SMARCA4: variants seen among roughly 807,000 people sequenced by gnomAD.
SMARCA4 encodes the protein SWI/SNF-related matrix-associated actin-dependent regulator of chromatin subfamily A member 4.
In SMARCA4, 31 loss-of-function variants were observed where a neutral mutation model predicts 193.9. That is an observed-to-expected ratio of 0.16 (90% CI 0.12 to 0.22). The LOEUF (loss-of-function observed/expected upper bound fraction) is 0.22. SMARCA4 is among the 10% of genes least tolerant of loss of function. SMARCA4 has a pLI of 1.00. For synonymous variants in SMARCA4, 942 were observed against 933.1 expected, an observed-to-expected ratio of 1.01 and a Z score of -0.17; for missense variants, 1,148 against 2,296.0, an observed-to-expected ratio of 0.50 and a Z score of 10.22.
rs750609318 is a variant in SMARCA4 at position 11,023,541 on chromosome 19, C to T, written c.2883C>T (p.Thr961=). ...GEKVDLNEEE[T]ILIIRRLHKV... ...AGGTGGACCTGAATGAGGAGGAAAC[C>T]ATTCTCATCATCCGGCGTCTCCACA... The change falls in exon 20 of 35, where the codon ACC becomes ACT. Residue 961 remains threonine (T), a synonymous_variant. Coordinates refer to ENST00000344626, the MANE Select transcript of SMARCA4 (RefSeq NM_003072.5). 24 of 1,612,556 alleles carry T rather than the reference C, an allele frequency of 1.5e-5. No individual in the cohort carries two copies. In the Admixed American group the frequency reaches 2.0e-4, roughly 13 times the overall value.
chr19:11,002,048 T>G (rs2146075316), intron 11 of SMARCA4, among the ~76,000 whole-genome samples: 1 of 152,028 alleles, frequency 6.6e-6, no homozygotes, highest in African/African-American at 2.4e-5. Flanking sequence ...ACCGTTAGTG[T>G]AAAAAAGAGG....
intron 30 of SMARCA4, among the ~76,000 whole-genome samples, chr19:11,048,925 G>A (rs1485627459): frequency 6.6e-6 from 1 of 152,186 alleles, no homozygotes; most frequent in Admixed American, 6.5e-5. Context: ...CCAAGGCCCT[G>A]GAGTGTGGCA....
intron 11 of SMARCA4, among the ~76,000 whole-genome samples, chr19:10,997,221 C>T (rs573606478): frequency 5.3e-5 from 8 of 151,846 alleles, no homozygotes; most frequent in African/African-American, 9.7e-5. Flanking sequence ...TTATTTTAGA[C>T]GGAGTCTCGT....
chr19:11,059,430 A>G (rs971843757), intron 32 of SMARCA4, among the ~76,000 whole-genome samples: 3 of 152,236 alleles, frequency 2.0e-5, no homozygotes. Context: ...GGCTTCAACA[A>G]GGGGCATGTA....
intron 30 of SMARCA4, among the ~76,000 whole-genome samples, chr19:11,048,775 C>G (rs537364779): frequency 6.6e-5 from 10 of 152,220 alleles, no homozygotes; most frequent in Non-Finnish European, 1.2e-4. Flanking sequence ...TTGCAGCCCC[C>G]TAGTTCGTGT....
intron 13 of SMARCA4, among the ~76,000 whole-genome samples, chr19:11,006,186 G>T (rs928400897): frequency 1.1e-4 from 16 of 152,174 alleles, no homozygotes; most frequent in Admixed American, 5.9e-4. Flanking sequence ...CAACTGTGTT[G>T]TATTTGTAGG....
intron 13 of SMARCA4, among the ~76,000 whole-genome samples, chr19:11,005,709 GCT>G (rs1416684726): frequency 1.3e-5 from 2 of 152,192 alleles, no homozygotes; most frequent in African/African-American, 4.8e-5. Flanking sequence ...ATGGCCTGCA[GCT>G]CTCCAGCTGT....
intron 30 of SMARCA4, among the ~76,000 whole-genome samples, chr19:11,054,101 G>A (rs1359333699): frequency 1.3e-5 from 2 of 152,316 alleles, no homozygotes; most frequent in South Asian, 2.1e-4. Flanking sequence ...ATTGTAGAAT[G>A]GCTACAAGGA....
At chr19:10,991,107 C>T (rs2145876127) in intron 7 of SMARCA4, 43 bp from the exon 8 acceptor site, 1 of 1,610,418 alleles carries the variant, frequency 6.2e-7, no homozygotes. Context: ...GTGGATGCCA[C>T]AGAGCTGTGC....
chr19:11,005,756 A>T (rs2088141675), intron 13 of SMARCA4, among the ~76,000 whole-genome samples: 1 of 152,220 alleles, frequency 6.6e-6, no homozygotes, highest in South Asian at 2.1e-4. Context: ...AGGCAGAAGA[A>T]GTGAAAGTGG....
At chr19:11,036,764 A>G (rs1038004546) in intron 29 of SMARCA4, among the ~76,000 whole-genome samples, 6 of 152,120 alleles carry the variant, frequency 3.9e-5, no homozygotes, top group African/African-American at 1.4e-4. Context: ...TCGCCCCCAA[A>G]AGAAGCCCTG....
Position 11,019,738 on chromosome 19 carries a change from C to G in SMARCA4, c.2616+37C>G. ...CTGTGGGAAATGCCAGGCCATGGGC[C>G]GAGTGCTCACACGTGGGTCACGCTG... On this transcript the variant is annotated intron_variant, in intron 18 of 34. Transcript: ENST00000344626. The surrounding 1 kb of genome is among the most constrained non-coding windows in gnomAD (Gnocchi z 6.1). 4.2e-6 allele frequency: 6 copies of G among 1,437,212 alleles called. No homozygotes were observed. The highest frequency in any genetic ancestry group is 5.9e-6 in the Non-Finnish European group (6 of 1,022,960). 89.0% of individuals were successfully genotyped at this position (1,437,212 alleles called of 1,614,324 possible). A position where few individuals can be genotyped will look rare whatever the true frequency, so the allele number is the denominator to read the frequency against.
intron 1 of SMARCA4, among the ~76,000 whole-genome samples, chr19:10,979,319 A>G (rs1028354782): frequency 6.6e-6 from 1 of 152,180 alleles, no homozygotes. Flanking sequence ...TGTGCTGGCC[A>G]GAACCTGGTA....
chr19:11,012,571 G>A (rs570521463), intron 15 of SMARCA4: 7 of 308,160 alleles, frequency 2.3e-5, no homozygotes, highest in East Asian at 1.5e-4. Context: ...TCACGAAGTC[G>A]CCCTGAAGCC....
intron 30 of SMARCA4, among the ~76,000 whole-genome samples, chr19:11,044,231 G>T (rs766173248): frequency 3.4e-4 from 52 of 152,170 alleles, no homozygotes; most frequent in Non-Finnish European, 4.7e-4. Context: ...CACGTGACAT[G>T]GACTGTGGAT....
chr19:11,049,872 C>T (rs531381588), intron 30 of SMARCA4, among the ~76,000 whole-genome samples: 35 of 152,294 alleles, frequency 2.3e-4, no homozygotes, highest in Middle Eastern at 3.4e-3. Flanking sequence ...GAGGCCAAGC[C>T]GGGCTGATCA....
rs148055156 is a variant in SMARCA4 at position 10,996,520 on chromosome 19, G to A, written c.1788G>A (p.Thr596=). Residue 596 remains threonine (T), a synonymous_variant, in exon 11 of 35, where the codon ACG becomes ACA. Coordinates refer to ENST00000344626, the MANE Select transcript of SMARCA4 (RefSeq NM_003072.5). ...KKKAENAEGQ[T]PAIGPDGEPL... ...AGGCAGAAAATGCAGAAGGACAGACGCCTGCCATTGGGCCGGATGGCGAGG... is the reference window on the plus strand; with the variant it reads ...AGGCAGAAAATGCAGAAGGACAGACACCTGCCATTGGGCCGGATGGCGAGG... 5.6e-6 allele frequency: 9 copies of A among 1,614,078 alleles called. No homozygotes were observed. The Admixed American group carries it at 6.7e-5, about 12-fold the overall frequency.
At chr19:10,969,091 T>C (rs544157072) in intron 1 of SMARCA4, among the ~76,000 whole-genome samples, 1 of 152,320 alleles carries the variant, frequency 6.6e-6, no homozygotes, top group South Asian at 2.1e-4. Flanking sequence ...GATTCTGTTC[T>C]GCATGGCTTA....
intron 1 of SMARCA4, among the ~76,000 whole-genome samples, chr19:10,968,395 C>T (rs946268332): frequency 1.4e-4 from 22 of 152,192 alleles, no homozygotes; most frequent in African/African-American, 5.1e-4. Flanking sequence ...ACACTTGTCA[C>T]TGTGAACCGT....
Sources: gnomAD v4.1 joint callset for allele counts (sites outside exome capture counted in the v4.1 genomes callset) on GRCh38, gnomAD v4.1.1 for gene constraint, Gnocchi (gnomAD v3.1) non-coding constraint, MANE v1.5 for transcripts, NCBI Gene and HGNC (gene_info 2026-07-23, HGNC 2026-07-21) for gene names.